DMD: variants seen among roughly 807,000 people sequenced by gnomAD.
DMD encodes mutant dystrophin.
In DMD, 63 loss-of-function variants were observed where a neutral mutation model predicts 330.1. The observed-to-expected ratio is 0.19, with a 90% CI of 0.16 to 0.24. The LOEUF (loss-of-function observed/expected upper bound fraction) is 0.24, where lower values mean the gene tolerates loss of function less well. Among genes scored for constraint, DMD ranks in the 10% least tolerant of loss-of-function variants. The pLI is 1.00. For synonymous variants in DMD, 1,223 were observed against 959.8 expected, an observed-to-expected ratio of 1.27 and a Z score of -5.07; for missense variants, 3,344 against 2,684.1, an observed-to-expected ratio of 1.25 and a Z score of -5.43.
chrX:31,506,982 CAA>C (rs1039558367), intron 56 of DMD, among the ~76,000 whole-genome samples: 10 of 111,650 alleles, frequency 9.0e-5, no homozygotes, highest in East Asian at 2.8e-4. Flanking sequence ...TGTGATATGC[CAA>C]GAGAGAAATT....
At chrX:31,611,065 ACT>A (rs2077884152) in intron 55 of DMD, among the ~76,000 whole-genome samples, 1 of 105,374 alleles carries the variant, frequency 9.5e-6, no homozygotes, top group South Asian at 4.2e-4. Flanking sequence ...AAGCACAGAG[ACT>A]CTGTCTTGCA....
At chrX:32,010,222 T>C (rs1314700381) in intron 44 of DMD, among the ~76,000 whole-genome samples, 1 of 112,063 alleles carries the variant, frequency 8.9e-6, no homozygotes, top group Non-Finnish European at 1.9e-5. Context: ...TGAATGTACA[T>C]ATATTTAAAT....
At chrX:32,085,618 G>GTATATA (rs202080218) in intron 44 of DMD, among the ~76,000 whole-genome samples, 31 of 77,815 alleles carry the variant, frequency 4.0e-4, no homozygotes, top group East Asian at 7.5e-4. Flanking sequence ...ATATATATAC[G>GTATATA]TATATATATA....
At chrX:33,168,331 C>A (rs923516383) in intron 1 of DMD, among the ~76,000 whole-genome samples, 2 of 110,388 alleles carry the variant, frequency 1.8e-5, no homozygotes, top group Non-Finnish European at 3.8e-5. Context: ...CGTTGGGATC[C>A]TACAATCCTG....
chrX:31,971,111 G>T lies in DMD; in HGVS notation c.6439-2597C>A, dbSNP rs767208306. On this transcript the variant is annotated intron_variant, in intron 44 of 78. Transcript: ENST00000357033. The stretch of plus-strand genomic sequence containing the variant: ...AGGTCCGTGGAGGCACCAAAATTCT[G>T]CATTTCCTACAAACTTCAAAAAAAT... 1.2e-4 allele frequency among the ~76,000 whole-genome samples: 13 copies of T among 111,862 alleles called. 1 individual carries two copies.
At chrX:31,672,123 A>T (rs2081837549) in intron 53 of DMD, among the ~76,000 whole-genome samples, 1 of 111,541 alleles carries the variant, frequency 9.0e-6, no homozygotes, top group Non-Finnish European at 1.9e-5. Context: ...TTATCTCAAG[A>T]TATTTTTGTA....
chrX:32,474,332 T>G (rs972453226), intron 21 of DMD, among the ~76,000 whole-genome samples: 2 of 111,586 alleles, frequency 1.8e-5, no homozygotes, highest in African/African-American at 6.5e-5. Flanking sequence ...AACATGCATG[T>G]GCAAGTATCT....
At chrX:32,731,184 G>A (rs187690516) in intron 7 of DMD, among the ~76,000 whole-genome samples, 211 of 112,145 alleles carry the variant, frequency 1.9e-3, no homozygotes, top group Middle Eastern at 0.019. Context: ...ACACCCACCC[G>A]AATACTGCGT....
At chrX:31,519,498 T>C (rs1306179092) in intron 55 of DMD, among the ~76,000 whole-genome samples, 1 of 111,999 alleles carries the variant, frequency 8.9e-6, no homozygotes, top group Non-Finnish European at 1.9e-5. Flanking sequence ...GGGTTGTAAA[T>C]GCAAACAACA....
chrX:31,870,690 A>G (rs974816413), intron 48 of DMD, among the ~76,000 whole-genome samples: 1 of 112,133 alleles, frequency 8.9e-6, no homozygotes, highest in Non-Finnish European at 1.9e-5. Flanking sequence ...ATGGTCAGTC[A>G]CTACAATTGA....
intron 60 of DMD, among the ~76,000 whole-genome samples, chrX:31,351,707 C>G (rs761042289): frequency 1.6e-5 from 1 of 60,905 alleles, no homozygotes; most frequent in East Asian, 4.9e-4. Context: ...GCCTAGGTAA[C>G]AGAACAAGAC....
chrX:31,169,052 C>G (rs1344711566), intron 74 of DMD, among the ~76,000 whole-genome samples: 1 of 111,709 alleles, frequency 9.0e-6, no homozygotes, highest in Non-Finnish European at 1.9e-5. Flanking sequence ...AATAACCCTA[C>G]TTTCTTAAAT....
intron 55 of DMD, among the ~76,000 whole-genome samples, chrX:31,601,932 C>T (rs1195293866): frequency 9.0e-6 from 1 of 110,923 alleles, no homozygotes; most frequent in Non-Finnish European, 1.9e-5. Context: ...GGATGTTTTT[C>T]CTATAAAAAT....
chrX:31,646,986 G>T lies in DMD; in HGVS notation c.8027+11004C>A, dbSNP rs2080142556. 2.7e-5 allele frequency among the ~76,000 whole-genome samples: 3 copies of T among 111,701 alleles called. No homozygotes were observed. The South Asian group carries it at 1.1e-3, about 41-fold the overall frequency. ...CAGGGAGCCCAGTCTAAGTTAGATG[G>T]GTTTTTTGTTTCATGTTTCTTTTGA... On this transcript the variant is annotated intron_variant, in intron 54 of 78. Coordinates refer to ENST00000357033, the MANE Select transcript of DMD (RefSeq NM_004006.3).
intron 16 of DMD, among the ~76,000 whole-genome samples, chrX:32,554,233 A>T (rs1368143640): frequency 1.8e-5 from 2 of 112,114 alleles, no homozygotes; most frequent in African/African-American, 6.5e-5. Context: ...TAGCAAACCA[A>T]GAGCAAACAA....
At chrX:33,127,385 C>T (rs922427412) in intron 1 of DMD, among the ~76,000 whole-genome samples, 1 of 111,104 alleles carries the variant, frequency 9.0e-6, no homozygotes, top group Non-Finnish European at 1.9e-5. Context: ...CACCTTTTCA[C>T]TTTATTTAGA....
chrX:32,290,912 A>C (rs768296032), intron 42 of DMD, among the ~76,000 whole-genome samples: 15 of 112,234 alleles, frequency 1.3e-4, no homozygotes, highest in African/African-American at 4.9e-4. Flanking sequence ...TAGAGAAAAC[A>C]TGTATCATAT....
chrX:32,693,584 T>C (rs1324511293), intron 9 of DMD, among the ~76,000 whole-genome samples: 1 of 111,008 alleles, frequency 9.0e-6, no homozygotes, highest in African/African-American at 3.3e-5. Context: ...GGATTACAGG[T>C]GTGTGCCACC....
chrX:32,573,939 T>C, intron 13 of DMD, 93 bp from the exon 14 acceptor site: 7 of 690,910 alleles, frequency 1.0e-5, no homozygotes, highest in Non-Finnish European at 1.6e-5. Flanking sequence ...AGTATCTCAG[T>C]CTCCTATGTA....
Sources: allele counts gnomAD v4.1 joint callset (sites outside exome capture counted in the v4.1 genomes callset), GRCh38; gene constraint gnomAD v4.1.1; transcripts MANE v1.5; gene names NCBI Gene and HGNC (gene_info 2026-07-23, HGNC 2026-07-21).